The following SH3RF2 variants were observed in gnomAD, a reference collection of about 807,000 sequenced individuals.
SH3RF2 encodes the protein E3 ubiquitin-protein ligase SH3RF2.
In SH3RF2, 43 loss-of-function variants were observed where a neutral mutation model predicts 59.0. The ratio of observed to expected loss-of-function variants is 0.73; its 90% CI spans 0.57 to 0.94. SH3RF2 has a LOEUF of 0.94. Ranked by LOEUF, SH3RF2 falls within the 40% of genes least tolerant of loss-of-function variation. The pLI is 0.00. For synonymous variants in SH3RF2, 391 were observed against 391.5 expected (o/e 1.00, Z 0.01); for missense variants, 930 against 940.1 (o/e 0.99, Z 0.14).
At chr5:145,937,135 T>G (rs1757618166) in intron 1 of SH3RF2, 1 of 150,976 alleles carries the variant, frequency 6.6e-6, no homozygotes, top group South Asian at 2.1e-4. Context: ...GGAGGAACAT[T>G]GTCTCTGAGC....
At chr5:145,959,952 A>G (rs1758568603) in intron 2 of SH3RF2, among the ~76,000 whole-genome samples, 1 of 152,166 alleles carries the variant, frequency 6.6e-6, no homozygotes, top group Non-Finnish European at 1.5e-5. Context: ...AGGTACATGT[A>G]ATTAACAAAA....
intron 2 of SH3RF2, among the ~76,000 whole-genome samples, chr5:145,942,595 T>A (rs538782114): frequency 2.7e-4 from 41 of 152,028 alleles, no homozygotes; most frequent in Non-Finnish European, 5.0e-4. Flanking sequence ...GACAGTGGGG[T>A]TTTTGCTAAA....
At chr5:146,004,243 A>G (rs1052404065) in intron 4 of SH3RF2, 90 bp downstream of exon 4, 2 of 1,011,046 alleles carry the variant, frequency 2.0e-6, no homozygotes, top group Non-Finnish European at 2.9e-6. Context: ...CCTATTTGCT[A>G]TGAGGCTTAT....
intron 4 of SH3RF2, among the ~76,000 whole-genome samples, chr5:146,007,320 G>A (rs1326374789): frequency 6.6e-6 from 1 of 152,216 alleles, no homozygotes; most frequent in African/African-American, 2.4e-5. Context: ...GACCTTTCAG[G>A]AGGTAGAATC....
intron 5 of SH3RF2, among the ~76,000 whole-genome samples, chr5:146,028,886 T>G (rs1251735441): frequency 6.6e-6 from 1 of 152,140 alleles, no homozygotes; most frequent in Non-Finnish European, 1.5e-5. Flanking sequence ...GCCCTGTCCC[T>G]GGAAATGCGC....
chr5:146,020,474 T>A (rs77980608), intron 5 of SH3RF2, among the ~76,000 whole-genome samples: 1,737 of 152,284 alleles, frequency 0.011, 33 homozygotes, highest in African/African-American at 0.04. Flanking sequence ...TTTTGTTGCA[T>A]TCACCTGTTG....
chr5:146,004,007 T>G (rs780778478), intron 3 of SH3RF2, 51 bp from the exon 4 acceptor site: 1 of 1,525,488 alleles, frequency 6.6e-7, no homozygotes, highest in Non-Finnish European at 9.1e-7. Context: ...CTGAGAGCTT[T>G]TACTGCCTGA....
At chr5:146,040,000 T>C (rs1762068869) in intron 5 of SH3RF2, among the ~76,000 whole-genome samples, 1 of 152,214 alleles carries the variant, frequency 6.6e-6, no homozygotes, top group Non-Finnish European at 1.5e-5. Flanking sequence ...TGTGAGTCCA[T>C]TCATACAATG....
intron 2 of SH3RF2, among the ~76,000 whole-genome samples, chr5:145,950,900 C>T (rs1212539313): frequency 1.3e-5 from 2 of 152,190 alleles, no homozygotes; most frequent in Non-Finnish European, 2.9e-5. Flanking sequence ...CCTGTCTTAG[C>T]TGAAAACCAA....
chr5:146,021,576 GT>G (rs1209764079), intron 5 of SH3RF2, among the ~76,000 whole-genome samples: 1 of 152,124 alleles, frequency 6.6e-6, no homozygotes, highest in Non-Finnish European at 1.5e-5. Flanking sequence ...AAATGTGTTT[GT>G]TAAATTTTTG....
Position 146,033,900 on chromosome 5 carries a change from G to T in SH3RF2, c.1060-13872G>T, listed in dbSNP as rs558287251. Among the ~76,000 whole-genome samples, 3 of 152,290 alleles carry T rather than the reference G, an allele frequency of 2.0e-5. No individual in the cohort carries two copies. In the East Asian group the frequency reaches 5.8e-4, roughly 29 times the overall value. ...CCCCACAAATATATCCCCATTGTTTGTTGTTACGAAAGTCTTATTACCAAC... is the reference window on the plus strand; with the variant it reads ...CCCCACAAATATATCCCCATTGTTTTTTGTTACGAAAGTCTTATTACCAAC... On this transcript the variant is annotated intron_variant, in intron 5 of 9. Coordinates refer to ENST00000359120, the MANE Select transcript of SH3RF2 (RefSeq NM_152550.4).
chr5:145,964,303 C>CCTTT (rs368015059), intron 2 of SH3RF2, among the ~76,000 whole-genome samples: 7,489 of 120,330 alleles, frequency 0.062, 410 homozygotes, highest in East Asian at 0.22. Flanking sequence ...TTCCTTCCTT[C>CCTTT]CTTTCTTTCT....
intron 2 of SH3RF2, among the ~76,000 whole-genome samples, chr5:145,960,647 C>T (rs1449700527): frequency 6.6e-6 from 1 of 152,132 alleles, no homozygotes; most frequent in African/African-American, 2.4e-5. Context: ...GGTAGGCTGA[C>T]CTGCCTCACT....
intron 2 of SH3RF2, among the ~76,000 whole-genome samples, chr5:145,942,682 G>A (rs1054291625): frequency 2.0e-5 from 3 of 152,214 alleles, no homozygotes; most frequent in Non-Finnish European, 4.4e-5. Context: ...AGGACCATAT[G>A]TAGTAGGTGG....
At chr5:146,072,400 T>G (rs977244722) in intron 9 of SH3RF2, among the ~76,000 whole-genome samples, 1 of 152,188 alleles carries the variant, frequency 6.6e-6, no homozygotes, top group Non-Finnish European at 1.5e-5. Context: ...AGGCTGGGCA[T>G]GGTGGCTCAC....
At chr5:146,056,704 A>G (rs1762683711) in intron 8 of SH3RF2, among the ~76,000 whole-genome samples, 1 of 152,206 alleles carries the variant, frequency 6.6e-6, no homozygotes, top group African/African-American at 2.4e-5. Flanking sequence ...GAACTTTTTT[A>G]AAAAGGTTTA....
At chr5:146,011,141 T>C (rs1688113597) in intron 4 of SH3RF2, among the ~76,000 whole-genome samples, 1 of 152,204 alleles carries the variant, frequency 6.6e-6, no homozygotes, top group South Asian at 2.1e-4. Flanking sequence ...TAGGGAATCG[T>C]TTCCCCATTT....
chr5:145,958,044 C>T (rs187528077), intron 2 of SH3RF2, among the ~76,000 whole-genome samples: 50 of 151,304 alleles, frequency 3.3e-4, no homozygotes, highest in African/African-American at 1.1e-3. Flanking sequence ...ATCCAGGAGG[C>T]GGAGGTTGCA....
intron 9 of SH3RF2, among the ~76,000 whole-genome samples, chr5:146,076,628 T>C (rs1187742975): frequency 2.6e-5 from 4 of 152,216 alleles, no homozygotes; most frequent in Non-Finnish European, 5.9e-5. Context: ...CTGGAGCCTC[T>C]GACAGCTCTT....
Sources: gnomAD v4.1 joint callset for allele counts (sites outside exome capture counted in the v4.1 genomes callset) on GRCh38, gnomAD v4.1.1 for gene constraint, MANE v1.5 for transcripts, NCBI Gene and HGNC (gene_info 2026-07-23, HGNC 2026-07-21) for gene names.